Variants in KLF12 observed in about 807,000 individuals in gnomAD.
The protein encoded by KLF12 is KLF transcription factor 12, also known as Krueppel-like factor 12.
A neutral mutation model predicts 37.8 loss-of-function variants in KLF12; 9 were observed. The ratio of observed to expected loss-of-function variants is 0.24; its 90% CI spans 0.14 to 0.42. KLF12 has a LOEUF of 0.42. Among genes scored for constraint, KLF12 ranks in the 10% least tolerant of loss-of-function variants. The pLI is 1.00. For missense variants in KLF12, 411 were observed against 516.0 expected, an observed-to-expected ratio of 0.80 and a Z score of 1.97; for synonymous variants, 208 against 202.1, an observed-to-expected ratio of 1.03 and a Z score of -0.25.
the KLF12 span, among the ~76,000 whole-genome samples, chr13:74,253,257 G>T: frequency 6.6e-6 from 1 of 152,212 alleles, no homozygotes; most frequent in Non-Finnish European, 1.5e-5. Context: ...AGAGGAACCT[G>T]AGATGTTTGC....
the KLF12 span, among the ~76,000 whole-genome samples, chr13:74,218,960 GAGTTT>G: frequency 2.9e-4 from 26 of 88,668 alleles, no homozygotes; most frequent in Non-Finnish European, 1.4e-4. Context: ...ATAAAAATAA[GAGTTT>G]TTTTTTTTTT....
At chr13:74,178,476 G>A in the KLF12 span, among the ~76,000 whole-genome samples, 9 of 152,268 alleles carry the variant, frequency 5.9e-5, no homozygotes, top group African/African-American at 2.2e-4. Context: ...GAAAAGAGAG[G>A]TGACTCTGTA....
the KLF12 span, among the ~76,000 whole-genome samples, chr13:74,269,300 G>T: frequency 6.6e-6 from 1 of 152,008 alleles, no homozygotes; most frequent in Non-Finnish European, 1.5e-5. Flanking sequence ...CTCTCTCTTT[G>T]TATATAGTTA....
At chr13:73,763,725 A>G (rs1262346346) in intron 6 of KLF12, among the ~76,000 whole-genome samples, 1 of 152,164 alleles carries the variant, frequency 6.6e-6, no homozygotes, top group African/African-American at 2.4e-5. Context: ...TAAGTCAAGA[A>G]CAGACCTGAT....
chr13:73,700,447 A>C (rs1178269383), intron 7 of KLF12, among the ~76,000 whole-genome samples: 1 of 152,056 alleles, frequency 6.6e-6, no homozygotes, highest in Non-Finnish European at 1.5e-5. Context: ...TCTAAGTGAT[A>C]AAATGAATTT....
At chr13:74,228,987 G>A in the KLF12 span, among the ~76,000 whole-genome samples, 1 of 151,984 alleles carries the variant, frequency 6.6e-6, no homozygotes, top group African/African-American at 2.4e-5. Flanking sequence ...AGAACCCTCA[G>A]TACATGAAGC....
chr13:73,746,900 T>C (rs1445361922), intron 6 of KLF12, among the ~76,000 whole-genome samples: 1 of 146,452 alleles, frequency 6.8e-6, no homozygotes, highest in Admixed American at 7.0e-5. Context: ...CTGCAACCTC[T>C]GCCTCCCTGG....
upstream of KLF12, among the ~76,000 whole-genome samples, chr13:74,135,512 TC>T (rs1878518046): frequency 6.6e-6 from 1 of 150,720 alleles, no homozygotes; most frequent in Admixed American, 6.6e-5. Context: ...GCCCTGCAGT[TC>T]CCGCGGCGGC....
chr13:73,704,311 G>C (rs11843399), intron 7 of KLF12, among the ~76,000 whole-genome samples: 18,937 of 152,058 alleles, frequency 0.12, 1,570 homozygotes, highest in South Asian at 0.23. Context: ...TTCAATATGA[G>C]CAAAACTTGC....
At chr13:74,270,521 A>T in the KLF12 span, among the ~76,000 whole-genome samples, 1 of 152,230 alleles carries the variant, frequency 6.6e-6, no homozygotes, top group African/African-American at 2.4e-5. Flanking sequence ...CATGAAGCAT[A>T]CTGAGGACAC....
chr13:73,887,221 T>C (rs191150593), intron 3 of KLF12, among the ~76,000 whole-genome samples: 32 of 152,314 alleles, frequency 2.1e-4, no homozygotes, highest in South Asian at 6.2e-4. Flanking sequence ...TCTAAAGTCA[T>C]TCATAATAAT....
At position 74,022,737 on chromosome 13, in the gene KLF12, C is replaced by A. The variant is rs147945257; in HGVS notation, c.-31-27684G>T. Among the ~76,000 whole-genome samples the A allele has an allele frequency of 2.4e-4, 37 of 151,870 alleles. No individual in the cohort carries two copies. The East Asian group carries it at 6.6e-3, about 27-fold the overall frequency. On this transcript the variant is annotated intron_variant, in intron 1 of 7. Coordinates refer to ENST00000377669, the MANE Select transcript of KLF12 (RefSeq NM_007249.5). ...CACCTGCACCCACCTGCAGTGACCA[C>A]TCCAACCCCCCCAACATATAACGTA...
chr13:74,216,188 CT>C, the KLF12 span, among the ~76,000 whole-genome samples: 1 of 152,266 alleles, frequency 6.6e-6, no homozygotes, highest in African/African-American at 2.4e-5. Flanking sequence ...CACGTTTCCA[CT>C]TTTAAGTCCT....
chr13:74,287,151 CT>C, the KLF12 span, among the ~76,000 whole-genome samples: 1 of 152,178 alleles, frequency 6.6e-6, no homozygotes. Context: ...CAGCCTACCT[CT>C]TCCTTAGCAT....
At chr13:73,887,362 C>T (rs369355448) in intron 3 of KLF12, among the ~76,000 whole-genome samples, 1 of 152,206 alleles carries the variant, frequency 6.6e-6, no homozygotes, top group African/African-American at 2.4e-5. Context: ...CTAACTGGAT[C>T]ATGGGGACAG....
intron 1 of KLF12, among the ~76,000 whole-genome samples, chr13:74,111,334 ATTC>A (rs1274073332): frequency 6.6e-6 from 1 of 152,142 alleles, no homozygotes; most frequent in African/African-American, 2.4e-5. Context: ...CTTTTGAAAT[ATTC>A]TTAATATTCT....
In KLF12 at chr13:74,021,828, T is replaced by C. The variant is rs534693358; in HGVS notation, c.-31-26775A>G. 2.0e-5 allele frequency among the ~76,000 whole-genome samples: 3 copies of C among 152,294 alleles called. No homozygotes were observed. The East Asian group carries it at 5.8e-4, about 29-fold the overall frequency. On this transcript the variant is annotated intron_variant, in intron 1 of 7. Transcript: ENST00000377669. ...TAAATAAAGCAAGAGTGCTTATCAGTAGATACACAAGAACTTCGGATAGCA... is the reference window on the plus strand; with the variant it reads ...TAAATAAAGCAAGAGTGCTTATCAGCAGATACACAAGAACTTCGGATAGCA...
rs565490277 is a variant in KLF12, at chr13:73,772,254, T to C, written c.807-7254A>G. ...TGTGCCAGGCACTGTTCTAAGTTCTTAAGTGTGTTCCAGGCTCCTATGTGC... is the reference window on the plus strand; with the variant it reads ...TGTGCCAGGCACTGTTCTAAGTTCTCAAGTGTGTTCCAGGCTCCTATGTGC... On this transcript the variant is annotated intron_variant, in intron 5 of 7. Transcript: ENST00000377669. 2.6e-5 allele frequency among the ~76,000 whole-genome samples: 4 copies of C among 152,356 alleles called. No homozygotes were observed. The South Asian group carries it at 8.3e-4, about 32-fold the overall frequency.
intron 2 of KLF12, among the ~76,000 whole-genome samples, chr13:73,978,383 G>C (rs1007264037): frequency 6.6e-6 from 1 of 152,102 alleles, no homozygotes; most frequent in African/African-American, 2.4e-5. Flanking sequence ...ATGATATCAG[G>C]GAAATGCAAA....
Sources: allele counts gnomAD v4.1 joint callset (sites outside exome capture counted in the v4.1 genomes callset), GRCh38; gene constraint gnomAD v4.1.1; transcripts MANE v1.5; gene names NCBI Gene and HGNC (gene_info 2026-07-23, HGNC 2026-07-21).